The following MCM6 variants were observed in gnomAD, a reference collection of about 807,000 sequenced individuals.
The protein encoded by MCM6 is minichromosome maintenance complex component 6.
A neutral mutation model predicts 94.3 loss-of-function variants in MCM6; 46 were observed. The ratio of observed to expected loss-of-function variants is 0.49; its 90% confidence interval spans 0.39 to 0.62. MCM6 has a LOEUF of 0.62. MCM6 is among the 20% of genes least tolerant of loss of function. MCM6 has a pLI of 0.00. For synonymous variants in MCM6, 335 were observed against 351.9 expected (o/e 0.95, Z 0.54); for missense variants, 865 against 1,017.9 (o/e 0.85, Z 2.04).
Position 135,862,673 on chromosome 2 carries a change from G to C in MCM6, c.1154C>G (p.Ser385Cys). 1.9e-6 allele frequency: 3 copies of C among 1,614,134 alleles called. No individual in the cohort carries two copies. Among genetic ancestry groups the C allele is most frequent in the Non-Finnish European group, 2.5e-6 (3 of 1,180,030 alleles). ...GCAAACATTTATGTCCCCTCGAAGA[G>C]AGGTCCCTTCTCCTGTTGTCTTTGG... ...GVPKTTGEGT[S>C]LRGDINVCIV... is the part of the protein sequence containing the mutation. Residue 385 changes from serine (S) to cysteine (C), a missense_variant, in exon 8 of 17, where the codon TCT (serine) becomes TGT (cysteine). Transcript: ENST00000264156.
Position 135,866,724 on chromosome 2 carries a change from C to A in MCM6, c.620G>T (p.Arg207Leu). 6.2e-7 allele frequency: 1 copy of A among 1,606,004 alleles called. No individual in the cohort carries two copies. The part of the protein sequence containing the change: ...KSRFVDFQKV[R>L]IQETQAELPR... ...AAGCTCAGCTTGGGTCTCTTGAATA[C>A]GAACCTGTAATACAGACAAACAACC... The change falls in exon 5 of 17, where the codon CGT (arginine) becomes CTT (leucine). Residue 207 changes from arginine (R) to leucine (L), a missense_variant. Physicochemically the swap from Arg to Leu is moderately radical, Grantham distance 102. Coordinates refer to ENST00000264156, the MANE Select transcript of MCM6 (RefSeq NM_005915.6).
At chr2:135,859,652 G>C (rs1679951339) in intron 8 of MCM6, among the ~76,000 whole-genome samples, 1 of 151,804 alleles carries the variant, frequency 6.6e-6, no homozygotes, top group African/African-American at 2.4e-5. Context: ...CACCAGACTG[G>C]AGTGCAGTGT....
chr2:135,870,022 G>GTAA lies in MCM6; in HGVS notation c.365+226_365+228dup, dbSNP rs4988165. ...TATTGTGATTATCAATTATGAAAAAGTAATTTTACAGCAACAAACCTATTT... is the reference window on the plus strand; with the variant it reads ...TATTGTGATTATCAATTATGAAAAAGTAATAATTTTACAGCAACAAACCTATTT... On this transcript the variant is annotated intron_variant, in intron 3 of 16. Transcript: ENST00000264156. Among the ~76,000 whole-genome samples, 1,129 of 152,262 alleles carry GTAA rather than the reference G, an allele frequency of 7.4e-3. 13 individuals carry two copies. Among genetic ancestry groups the GTAA allele is most frequent in the African/African-American group, 0.026 (1,061 of 41,536 alleles).
Position 135,868,831 on chromosome 2 carries a change from C to T in MCM6, c.395G>A (p.Gly132Asp), listed in dbSNP as rs1680147497. 6.2e-7 allele frequency: 1 copy of T among 1,614,092 alleles called. No individual in the cohort carries two copies. Among genetic ancestry groups the T allele is most frequent in the Non-Finnish European group, 8.5e-7 (1 of 1,180,026 alleles). ...KIRELTSSRI[G>D]LLTRISGQVV... ...CTGCCCACTGATGCGAGTGAGCAAA[C>T]CAATTCTGGATGAGGTGAGCTCTCG... is the stretch of plus-strand genomic sequence containing the variant. Residue 132 changes from glycine to aspartate, a missense_variant, in exon 4 of 17, where the codon GGT (glycine) becomes GAT (aspartate). Around this residue, in one of 3 missense-constraint regions of MCM6, gnomAD observed 404 missense variants for 451.9 expected, o/e 0.89. Coordinates refer to ENST00000264156, the MANE Select transcript of MCM6 (RefSeq NM_005915.6).
intron 12 of MCM6, among the ~76,000 whole-genome samples, chr2:135,852,581 A>G (rs1414776558): frequency 6.6e-6 from 1 of 152,156 alleles, no homozygotes; most frequent in African/African-American, 2.4e-5. Context: ...CAAACAAATA[A>G]TGGAATTATT....
At chr2:135,871,096 C>T (rs927287666) in intron 2 of MCM6, among the ~76,000 whole-genome samples, 2 of 152,132 alleles carry the variant, frequency 1.3e-5, no homozygotes, top group Non-Finnish European at 2.9e-5. Flanking sequence ...TATTTGTGCA[C>T]TAATGTGAGA....
rs1680017553 is a variant in MCM6, at chr2:135,862,649, C to A, written c.1178G>T (p.Cys393Phe). The change falls in exon 8 of 17, where the codon TGC (cysteine) becomes TTC (phenylalanine). Residue 393 changes from cysteine (C) to phenylalanine (F), a missense_variant. By Grantham distance (205) the Cys-to-Phe change is radical. Coordinates refer to ENST00000264156, the MANE Select transcript of MCM6 (RefSeq NM_005915.6). Reference sequence around the variant, plus strand: ...AGCTGTACTTGGGTCACCAACAATGCAAACATTTATGTCCCCTCGAAGAGA... The same window carrying A: ...AGCTGTACTTGGGTCACCAACAATGAAAACATTTATGTCCCCTCGAAGAGA... ...GTSLRGDINV[C>F]IVGDPSTAKS... 1.2e-6 allele frequency: 2 copies of A among 1,614,072 alleles called. No individual in the cohort carries two copies. The highest frequency in any genetic ancestry group is 1.7e-6 in the Non-Finnish European group (2 of 1,180,044).
At position 135,872,777 on chromosome 2, in the gene MCM6, T is replaced by A. The variant is rs1165095087; in HGVS notation, c.174A>T (p.Arg58Ser). The part of the protein sequence containing the change: ...QLAEELIRPE[R>S]NTLVVSFVDL... ...CCACAAAACTCACAACCAATGTGTT[T>A]CTCTCAGGACGAATCAGTTCCTCTG... Residue 58 changes from arginine to serine, a missense_variant, in exon 2 of 17, where the codon AGA (arginine) becomes AGT (serine). Coordinates refer to ENST00000264156, the MANE Select transcript of MCM6 (RefSeq NM_005915.6). 1.2e-6 allele frequency: 2 copies of A among 1,614,086 alleles called. No individual in the cohort carries two copies. The highest frequency in any genetic ancestry group is 2.7e-5 in the African/African-American group (2 of 74,932).
intron 13 of MCM6, among the ~76,000 whole-genome samples, chr2:135,850,351 T>C (rs187509455): frequency 2.6e-5 from 4 of 152,208 alleles, no homozygotes; most frequent in South Asian, 2.1e-4. Context: ...GTTTGTTACA[T>C]AGGTAAACTG....
rs1195880360 is a variant in MCM6, at chr2:135,839,897, TCAGA to T, written c.*934_*937del. The T allele has an allele frequency of 2.6e-5, 4 of 152,210 alleles. No homozygotes were observed. The highest frequency in any genetic ancestry group is 6.5e-5 in the Admixed American group (1 of 15,278). 9.4% of individuals were successfully genotyped at this position (152,210 alleles called of 1,614,324 possible). On this transcript the variant is annotated 3_prime_UTR_variant, in exon 17 of 17. Transcript: ENST00000264156. ...AGACTGTCCCACGTGGGCCTTAGCC[TCAGA>T]CAGTTATTTTGCTTTTGTGACCTTT...
At chr2:135,852,718 AAC>A in intron 12 of MCM6, 67 bp downstream of exon 12, 1 of 1,137,270 alleles carries the variant, frequency 8.8e-7, no homozygotes, top group Non-Finnish European at 1.2e-6. Flanking sequence ...ATTTCCATAT[AAC>A]ACACTTACTT....
intron 1 of MCM6, among the ~76,000 whole-genome samples, chr2:135,874,772 T>C (rs546034100): frequency 6.6e-6 from 1 of 152,106 alleles, no homozygotes; most frequent in South Asian, 2.1e-4. Flanking sequence ...AAATCCAAGA[T>C]CCCAAACTCT....
chr2:135,841,536 C>T (rs562488851), intron 16 of MCM6, among the ~76,000 whole-genome samples: 2 of 152,250 alleles, frequency 1.3e-5, no homozygotes, highest in South Asian at 2.1e-4. Flanking sequence ...AGAAGAGCTC[C>T]TAGCCAAGCC....
Position 135,865,070 on chromosome 2 carries a change from T to C in MCM6, c.1021A>G (p.Ser341Gly). The C allele has an allele frequency of 6.3e-7, 1 of 1,575,824 alleles. No homozygotes were observed. Among genetic ancestry groups the C allele is most frequent in the Non-Finnish European group, 8.6e-7 (1 of 1,161,236 alleles). ...TTGTGGTATAGATTTTTATCTTGAC[T>C]CATCTCAAACACTTTCTCCCATTCT... is the stretch of plus-strand genomic sequence containing the variant. ...VKEWEKVFEMSQDKNLYHNLC... is the reference protein window; with the variant it reads ...VKEWEKVFEMGQDKNLYHNLC... The change falls in exon 7 of 17, where the codon AGT becomes GGT. Residue 341 changes from serine to glycine, a missense_variant. Coordinates refer to ENST00000264156, the MANE Select transcript of MCM6 (RefSeq NM_005915.6).
intron 3 of MCM6, among the ~76,000 whole-genome samples, chr2:135,869,246 C>T (rs1307506009): frequency 6.6e-6 from 1 of 151,968 alleles, no homozygotes; most frequent in Non-Finnish European, 1.5e-5. Flanking sequence ...ACTAAAAATA[C>T]AAAAACTAGC....
At chr2:135,871,806 T>C (rs374441000) in intron 2 of MCM6, among the ~76,000 whole-genome samples, 34 of 152,222 alleles carry the variant, frequency 2.2e-4, no homozygotes, top group African/African-American at 8.0e-4. Context: ...AACTCTGCAC[T>C]TGCAGACTTG....
Position 135,840,641 on chromosome 2 carries a change from TG to T in MCM6, c.*193del. On this transcript the variant is annotated 3_prime_UTR_variant, in exon 17 of 17. Transcript: ENST00000264156. Reference sequence around the variant, plus strand: ...ACAGGAAACACACCAAAGGAAGTGCTGAAGCCTGTGTTGGTATGAAACCTGT... The same window carrying T: ...ACAGGAAACACACCAAAGGAAGTGCTAAGCCTGTGTTGGTATGAAACCTGT... 1 of 553,648 alleles carries T rather than the reference TG, an allele frequency of 1.8e-6. No homozygotes were observed. The highest frequency in any genetic ancestry group is 3.2e-6 in the Non-Finnish European group (1 of 308,768). The allele number at this position is 553,648 out of a possible 1,614,324, so 34.3% of individuals were successfully genotyped here. A position where few individuals can be genotyped will look rare whatever the true frequency, so the allele number is the denominator to read the frequency against.
chr2:135,849,761 T>C (rs544155498), intron 13 of MCM6, among the ~76,000 whole-genome samples: 6 of 152,158 alleles, frequency 3.9e-5, no homozygotes, highest in East Asian at 1.9e-4. Context: ...GTCAAAAAGA[T>C]GGATTGTTCA....
intron 2 of MCM6, among the ~76,000 whole-genome samples, chr2:135,871,350 C>T (rs568812507): frequency 4.6e-5 from 7 of 152,324 alleles, no homozygotes; most frequent in Admixed American, 4.6e-4. Context: ...ATAACTTCTA[C>T]TGCTGCATGC....
Sources: gnomAD v4.1 joint callset for allele counts (sites outside exome capture counted in the v4.1 genomes callset) on GRCh38, gnomAD v4.1.1 for gene constraint, gnomAD v4.1.1 regional missense constraint, MANE v1.5 for transcripts, NCBI Gene and HGNC (gene_info 2026-07-23, HGNC 2026-07-21) for gene names.